ST6GALNAC3: variants seen among roughly 807,000 people sequenced by gnomAD.
ST6GALNAC3 encodes alpha-N-acetylgalactosaminide alpha-2,6-sialyltransferase 3.
ST6GALNAC3 carries 25 observed loss-of-function variants against 32.7 expected under a neutral mutation model. The ratio of observed to expected loss-of-function variants is 0.76; its 90% confidence interval spans 0.56 to 1.07. The LOEUF (loss-of-function observed/expected upper bound fraction) is 1.07. ST6GALNAC3 is among the 50% of genes least tolerant of loss of function. The pLI is 0.00. For synonymous variants in ST6GALNAC3, 129 were observed against 133.1 expected, an observed-to-expected ratio of 0.97 and a Z score of 0.21; for missense variants, 355 against 382.4, an observed-to-expected ratio of 0.93 and a Z score of 0.60.
intron 1 of ST6GALNAC3, among the ~76,000 whole-genome samples, chr1:76,301,315 A>G (rs1245023505): frequency 2.6e-5 from 4 of 151,934 alleles, no homozygotes. Flanking sequence ...TGGGACATCC[A>G]GATTGGGATG....
At chr1:76,244,145 C>T (rs1279559483) in intron 1 of ST6GALNAC3, among the ~76,000 whole-genome samples, 1 of 151,776 alleles carries the variant, frequency 6.6e-6, no homozygotes, top group Admixed American at 6.6e-5. Flanking sequence ...TGTAGTTCTT[C>T]TTGAAGAGGT....
chr1:76,472,479 T>C (rs1001537758), intron 3 of ST6GALNAC3, among the ~76,000 whole-genome samples: 12 of 152,022 alleles, frequency 7.9e-5, no homozygotes, highest in Non-Finnish European at 1.6e-4. Context: ...CAGATGACAG[T>C]GGATGAACAG....
chr1:76,472,667 G>T (rs1452132540), intron 3 of ST6GALNAC3, among the ~76,000 whole-genome samples: 2 of 152,140 alleles, frequency 1.3e-5, no homozygotes, highest in African/African-American at 4.8e-5. Context: ...TCTCAAGGTT[G>T]TTATGAGTAG....
intron 3 of ST6GALNAC3, among the ~76,000 whole-genome samples, chr1:76,413,434 G>A (rs1654405889): frequency 6.6e-6 from 1 of 152,106 alleles, no homozygotes; most frequent in South Asian, 2.1e-4. Context: ...TTTTCAAAAT[G>A]TATGTATTTC....
At chr1:76,119,210 A>G (rs1233836267) in intron 1 of ST6GALNAC3, among the ~76,000 whole-genome samples, 1 of 152,254 alleles carries the variant, frequency 6.6e-6, no homozygotes, top group Non-Finnish European at 1.5e-5. Context: ...TTATTGCCAG[A>G]AAGATGCTGG....
intron 1 of ST6GALNAC3, among the ~76,000 whole-genome samples, chr1:76,088,859 G>A (rs1429651816): frequency 1.3e-5 from 2 of 152,154 alleles, no homozygotes; most frequent in African/African-American, 4.8e-5. Context: ...GCAAAGATCC[G>A]GTGGCATGAA....
At chr1:76,441,511 C>A (rs936401745) in intron 3 of ST6GALNAC3, among the ~76,000 whole-genome samples, 8 of 151,946 alleles carry the variant, frequency 5.3e-5, no homozygotes, top group African/African-American at 1.9e-4. Flanking sequence ...AGTAGATGTA[C>A]ATATTTATGG....
At chr1:76,178,727 T>G (rs1000460997) in intron 1 of ST6GALNAC3, among the ~76,000 whole-genome samples, 1 of 152,142 alleles carries the variant, frequency 6.6e-6, no homozygotes, top group African/African-American at 2.4e-5. Context: ...TCAAATATGA[T>G]CATCTGAGAA....
chr1:76,204,279 AT>A (rs1164995860), intron 1 of ST6GALNAC3, among the ~76,000 whole-genome samples: 10 of 152,094 alleles, frequency 6.6e-5, no homozygotes, highest in African/African-American at 2.4e-4. Flanking sequence ...TTCTTTACCC[AT>A]TTATCCATTG....
intron 2 of ST6GALNAC3, among the ~76,000 whole-genome samples, chr1:76,373,971 G>A (rs1038466689): frequency 5.3e-5 from 8 of 152,202 alleles, no homozygotes; most frequent in African/African-American, 1.9e-4. Flanking sequence ...ACATTCCAGA[G>A]TGCTCAATTG....
chr1:76,360,169 G>A lies in ST6GALNAC3; in HGVS notation c.213+46170G>A, dbSNP rs141487130. Among the ~76,000 whole-genome samples, 665 of 152,256 alleles carry A rather than the reference G, an allele frequency of 4.4e-3. 5 individuals carry two copies. The highest frequency in any genetic ancestry group is 0.034 in the Middle Eastern group (10 of 294). On this transcript the variant is annotated intron_variant, in intron 2 of 4. Coordinates refer to ENST00000328299, the MANE Select transcript of ST6GALNAC3 (RefSeq NM_152996.4). ...GGGAAAGAGCTTTTAATCAACCATA[G>A]CTCCCAGGAATAGAATGGAATAGAA... is the stretch of plus-strand genomic sequence containing the variant.
At chr1:76,370,569 G>T (rs1162764404) in intron 2 of ST6GALNAC3, among the ~76,000 whole-genome samples, 2 of 152,076 alleles carry the variant, frequency 1.3e-5, no homozygotes, top group Non-Finnish European at 2.9e-5. Flanking sequence ...AGAGTGACTT[G>T]TTCGGGGTAC....
chr1:76,503,869 G>C (rs1314337242), intron 3 of ST6GALNAC3, among the ~76,000 whole-genome samples: 1 of 152,098 alleles, frequency 6.6e-6, no homozygotes, highest in East Asian at 1.9e-4. Context: ...GTCCTCTATG[G>C]CATCCTCACA....
At chr1:76,144,925 G>A (rs1650582424) in intron 1 of ST6GALNAC3, among the ~76,000 whole-genome samples, 1 of 152,212 alleles carries the variant, frequency 6.6e-6, no homozygotes, top group African/African-American at 2.4e-5. Context: ...TATGAGTTGA[G>A]TGGCCTCAGG....
At chr1:76,110,124 T>C (rs1323829806) in intron 1 of ST6GALNAC3, among the ~76,000 whole-genome samples, 2 of 152,230 alleles carry the variant, frequency 1.3e-5, no homozygotes, top group East Asian at 3.9e-4. Flanking sequence ...CCCAAAGGGC[T>C]CATTCAAATT....
chr1:76,555,876 A>G (rs1456973100), intron 3 of ST6GALNAC3, among the ~76,000 whole-genome samples: 7 of 152,172 alleles, frequency 4.6e-5, no homozygotes, highest in Admixed American at 1.3e-4. Context: ...AAGATTTATT[A>G]AATATATTAT....
At chr1:76,281,891 A>G (rs1659516676) in intron 1 of ST6GALNAC3, among the ~76,000 whole-genome samples, 1 of 152,184 alleles carries the variant, frequency 6.6e-6, no homozygotes, top group Admixed American at 6.5e-5. Context: ...TATTGAGGTC[A>G]TACCAGGTGC....
chr1:76,542,632 C>T (rs1664059645), intron 3 of ST6GALNAC3, among the ~76,000 whole-genome samples: 1 of 152,136 alleles, frequency 6.6e-6, no homozygotes, highest in Non-Finnish European at 1.5e-5. Flanking sequence ...TGATCCACCT[C>T]TCAGGGTAAT....
chr1:76,444,767 T>C lies in ST6GALNAC3; in HGVS notation c.623+32350T>C, dbSNP rs1656855485. ...AAGAGTAACATTAAGGAACCCTCTC[T>C]GCTCTCTTGTAGCCAGATTGCAACT... On this transcript the variant is annotated intron_variant, in intron 3 of 4. Transcript: ENST00000328299. Among the ~76,000 whole-genome samples the C allele has an allele frequency of 2.0e-5, 3 of 152,164 alleles. No individual in the cohort carries two copies. The South Asian group carries it at 6.2e-4, about 32-fold the overall frequency.
Sources: allele counts gnomAD v4.1 joint callset (sites outside exome capture counted in the v4.1 genomes callset), GRCh38; gene constraint gnomAD v4.1.1; transcripts MANE v1.5; gene names NCBI Gene and HGNC (gene_info 2026-07-23, HGNC 2026-07-21).